The following CBFB variants were observed in gnomAD, a reference collection of about 807,000 sequenced individuals.
The protein encoded by CBFB is core-binding factor subunit beta.
In CBFB, 9 loss-of-function variants were observed where a neutral mutation model predicts 30.4. That is an observed-to-expected ratio of 0.30 (90% CI 0.18 to 0.52). The LOEUF (loss-of-function observed/expected upper bound fraction) is 0.52. Among genes scored for constraint, CBFB ranks in the 20% least tolerant of loss-of-function variants. The pLI is 0.97. For missense variants in CBFB, 170 were observed against 244.0 expected, an observed-to-expected ratio of 0.70 and a Z score of 2.02; for synonymous variants, 94 against 84.0, an observed-to-expected ratio of 1.12 and a Z score of -0.65.
intron 4 of CBFB, among the ~76,000 whole-genome samples, chr16:67,077,978 G>A (rs1961449825): frequency 6.6e-6 from 1 of 152,226 alleles, no homozygotes. Context: ...CAGACTAGTA[G>A]TATAACAAGT....
At chr16:67,080,961 T>C (rs1038276289) in intron 4 of CBFB, among the ~76,000 whole-genome samples, 3 of 152,304 alleles carry the variant, frequency 2.0e-5, no homozygotes, top group Non-Finnish European at 2.9e-5. Context: ...AATTTTTCTT[T>C]TAAAAGTACC....
chr16:67,092,703 T>C (rs1326915549), intron 5 of CBFB, among the ~76,000 whole-genome samples: 5 of 99,176 alleles, frequency 5.0e-5, no homozygotes, highest in African/African-American at 3.0e-4. Flanking sequence ...GCAATCTTTT[T>C]TTTTTTTTTT....
In CBFB at chr16:67,036,749, A is replaced by ACTT; in HGVS notation, c.276_277insCTT (p.Ala92_Gly93insLeu). The ACTT allele has an allele frequency of 1.3e-6, 2 of 1,573,280 alleles. No individual in the cohort carries two copies. The highest frequency in any genetic ancestry group is 1.8e-6 in the Non-Finnish European group (2 of 1,142,844). On this transcript the variant is annotated inframe_insertion, in exon 3 of 6. Transcript: ENST00000412916. ...AGTATGTCGACTTAGAAAGAGAAGC[A>ACTT]GGCAAGGTAGGAAACATTTCTTTGC...
Position 67,050,079 on chromosome 16 carries a change from A to G in CBFB, c.282+13324A>G, listed in dbSNP as rs142345706. On this transcript the variant is annotated intron_variant, in intron 3 of 5. Coordinates refer to ENST00000412916, the MANE Select transcript of CBFB (RefSeq NM_022845.3). ...AGTAATCATTAGGTAAGTTGATGCA[A>G]ACTCCACATACCACCTTCCAAAGCC... Among the ~76,000 whole-genome samples the G allele has an allele frequency of 5.2e-3, 781 of 150,978 alleles. 5 individuals are homozygous for G. Among genetic ancestry groups the G allele is most frequent in the African/African-American group, 0.018 (736 of 41,252 alleles).
intron 3 of CBFB, among the ~76,000 whole-genome samples, chr16:67,055,990 G>A (rs1451952457): frequency 6.6e-6 from 1 of 152,176 alleles, no homozygotes; most frequent in Non-Finnish European, 1.5e-5. Flanking sequence ...TTTCTTGGGT[G>A]CCTATGGCCA....
chr16:67,039,163 A>T (rs1456825765), intron 3 of CBFB, among the ~76,000 whole-genome samples: 1 of 152,174 alleles, frequency 6.6e-6, no homozygotes, highest in Non-Finnish European at 1.5e-5. Context: ...CCTACTACAC[A>T]CTTAGGCTAT....
intron 4 of CBFB, among the ~76,000 whole-genome samples, chr16:67,077,830 G>T (rs1961444306): frequency 6.6e-6 from 1 of 152,206 alleles, no homozygotes; most frequent in Non-Finnish European, 1.5e-5. Flanking sequence ...AACAAGAGTG[G>T]TCGAATATTC....
At position 67,066,697 on chromosome 16, in the gene CBFB, C is replaced by G. The variant is rs1280921900; in HGVS notation, c.298C>G (p.Pro100Ala). The stretch of plus-strand genomic sequence containing the variant: ...TGTGTCTTAGGTATATTTGAAGGCT[C>G]CCATGATTCTGAATGGAGTCTGTGT... ...REAGKVYLKA[P>A]MILNGVCVIW... The change falls in exon 4 of 6, where the codon CCC (proline) becomes GCC (alanine). Residue 100 changes from proline (P) to alanine (A), a missense_variant. Coordinates refer to ENST00000412916, the MANE Select transcript of CBFB (RefSeq NM_022845.3). The G allele has an allele frequency of 3.1e-6, 5 of 1,596,398 alleles. No individual in the cohort carries two copies. Among genetic ancestry groups the G allele is most frequent in the Non-Finnish European group, 4.3e-6 (5 of 1,166,416 alleles).
chr16:67,090,114 G>A (rs988023647), intron 5 of CBFB, among the ~76,000 whole-genome samples: 2 of 152,146 alleles, frequency 1.3e-5, no homozygotes, highest in African/African-American at 4.8e-5. Context: ...GGCTCTGTTG[G>A]AGGCTACCAG....
intron 3 of CBFB, among the ~76,000 whole-genome samples, chr16:67,060,408 G>A (rs1004117762): frequency 2.0e-5 from 3 of 151,922 alleles, no homozygotes; most frequent in South Asian, 2.1e-4. Flanking sequence ...AAACATTTTC[G>A]TCACACCATA....
At chr16:67,075,648 C>A (rs753998620) in intron 4 of CBFB, among the ~76,000 whole-genome samples, 11 of 152,210 alleles carry the variant, frequency 7.2e-5, no homozygotes, top group Non-Finnish European at 1.2e-4. Context: ...ATATTCATCA[C>A]AAAATATGTG....
At chr16:67,060,523 T>C (rs776349664) in intron 3 of CBFB, among the ~76,000 whole-genome samples, 26 of 152,116 alleles carry the variant, frequency 1.7e-4, no homozygotes, top group Admixed American at 1.0e-3. Flanking sequence ...GGATTTAGCT[T>C]TCTGTACGTT....
At chr16:67,043,953 A>T (rs554142650) in intron 3 of CBFB, among the ~76,000 whole-genome samples, 14 of 152,344 alleles carry the variant, frequency 9.2e-5, no homozygotes, top group African/African-American at 3.1e-4. Context: ...AATGTTCTTA[A>T]TTCTTTAATC....
intron 2 of CBFB, 190 bp downstream of exon 2, chr16:67,030,003 C>T: frequency 2.1e-6 from 1 of 468,410 alleles, no homozygotes; most frequent in South Asian, 3.5e-5. Context: ...GACGCTTTTC[C>T]TGGGGCTCGC....
intron 4 of CBFB, among the ~76,000 whole-genome samples, chr16:67,069,663 A>G (rs138528897): frequency 6.4e-4 from 98 of 152,332 alleles, no homozygotes; most frequent in Non-Finnish European, 2.9e-4. Context: ...ACACAAAGAA[A>G]TCCATACCTA....
At chr16:67,075,254 G>T (rs1036205095) in intron 4 of CBFB, among the ~76,000 whole-genome samples, 4 of 149,672 alleles carry the variant, frequency 2.7e-5, no homozygotes, top group Admixed American at 1.3e-4. Flanking sequence ...TTACATTTCA[G>T]TGAGAAAATA....
At chr16:67,097,563 A>G (rs1201394811) in intron 5 of CBFB, among the ~76,000 whole-genome samples, 3 of 151,764 alleles carry the variant, frequency 2.0e-5, no homozygotes, top group African/African-American at 4.8e-5. Flanking sequence ...AAAAAAAAAA[A>G]GCATCTGGGA....
intron 3 of CBFB, among the ~76,000 whole-genome samples, chr16:67,041,952 G>A (rs529313188): frequency 1.3e-4 from 19 of 149,674 alleles, no homozygotes; most frequent in African/African-American, 4.7e-4. Context: ...TCTGTTGCCA[G>A]GCTGGAGTAC....
chr16:67,089,033 A>T (rs867918281), intron 5 of CBFB, among the ~76,000 whole-genome samples: 19 of 152,214 alleles, frequency 1.2e-4, no homozygotes, highest in South Asian at 2.1e-4. Flanking sequence ...TCGATCCTTC[A>T]TGATAGGATT....
Sources: gnomAD v4.1 joint callset for allele counts (sites outside exome capture counted in the v4.1 genomes callset) on GRCh38, gnomAD v4.1.1 for gene constraint, MANE v1.5 for transcripts, NCBI Gene and HGNC (gene_info 2026-07-23, HGNC 2026-07-21) for gene names.